Variants in RIT2 observed in about 807,000 individuals in gnomAD.
RIT2 encodes GTP-binding protein Rit2.
A neutral mutation model predicts 23.7 loss-of-function variants in RIT2; 24 were observed. The ratio of observed to expected loss-of-function variants is 1.01; its 90% CI spans 0.73 to 1.43. RIT2 has a LOEUF of 1.43. RIT2 is among the 40% of genes most tolerant of loss of function. RIT2 has a pLI of 0.00. For synonymous variants in RIT2, 107 were observed against 91.1 expected, an observed-to-expected ratio of 1.17 and a Z score of -0.99; for missense variants, 236 against 266.9, an observed-to-expected ratio of 0.88 and a Z score of 0.81.
intron 1 of RIT2, among the ~76,000 whole-genome samples, chr18:43,100,543 T>C (rs765851289): frequency 4.6e-5 from 7 of 152,042 alleles, no homozygotes; most frequent in Non-Finnish European, 8.8e-5. Context: ...TAGGAGACAA[T>C]TGAAACATGG....
chr18:42,794,611 T>C (rs1914114725), intron 4 of RIT2, among the ~76,000 whole-genome samples: 2 of 152,222 alleles, frequency 1.3e-5, no homozygotes, highest in South Asian at 4.1e-4. Flanking sequence ...TTTATATCTC[T>C]GATTTCTACT....
intron 3 of RIT2, among the ~76,000 whole-genome samples, chr18:42,945,719 A>C (rs552928010): frequency 1.3e-5 from 2 of 152,216 alleles, no homozygotes; most frequent in South Asian, 2.1e-4. Flanking sequence ...CATGCATTTT[A>C]TTTCTTTCTC....
chr18:42,807,801 G>A (rs1274864238), intron 4 of RIT2, among the ~76,000 whole-genome samples: 1 of 151,692 alleles, frequency 6.6e-6, no homozygotes, highest in Non-Finnish European at 1.5e-5. Flanking sequence ...ATGTGTGTGT[G>A]TGTGTGTGTG....
chr18:42,812,589 T>C (rs931300628), intron 4 of RIT2, among the ~76,000 whole-genome samples: 2 of 152,154 alleles, frequency 1.3e-5, no homozygotes, highest in Non-Finnish European at 2.9e-5. Flanking sequence ...AACTTTCCTC[T>C]CTCAGAGACA....
intron 4 of RIT2, among the ~76,000 whole-genome samples, chr18:42,796,232 G>T (rs185500197): frequency 9.2e-5 from 14 of 152,256 alleles, no homozygotes; most frequent in Non-Finnish European, 5.9e-5. Flanking sequence ...AGCTCACTGG[G>T]AGGAACCAAC....
intron 1 of RIT2, among the ~76,000 whole-genome samples, chr18:43,096,374 G>A (rs537008270): frequency 7.9e-5 from 12 of 151,836 alleles, no homozygotes; most frequent in African/African-American, 2.9e-4. Flanking sequence ...AGATTTAGAG[G>A]GGTGTAGACT....
intron 1 of RIT2, among the ~76,000 whole-genome samples, chr18:43,037,383 T>C (rs1912005750): frequency 6.6e-6 from 1 of 152,216 alleles, no homozygotes; most frequent in Non-Finnish European, 1.5e-5. Flanking sequence ...TGATCAAAGT[T>C]ATAATCACTG....
chr18:42,990,768 G>C (rs1244472159), intron 2 of RIT2, among the ~76,000 whole-genome samples: 1 of 149,650 alleles, frequency 6.7e-6, no homozygotes, highest in Non-Finnish European at 1.5e-5. Context: ...ACAACACACT[G>C]TGAAGTATAT....
At chr18:42,870,505 C>T (rs1598692308) in intron 4 of RIT2, among the ~76,000 whole-genome samples, 2 of 152,186 alleles carry the variant, frequency 1.3e-5, no homozygotes, top group South Asian at 4.1e-4. Context: ...TGAGCCACCA[C>T]ACCTGGCCTG....
At chr18:43,059,777 CT>C (rs34810427) in intron 1 of RIT2, among the ~76,000 whole-genome samples, 104 of 151,344 alleles carry the variant, frequency 6.9e-4, no homozygotes, top group Non-Finnish European at 1.3e-3. Flanking sequence ...CATTCTTACA[CT>C]TTTTTTTTAT....
intron 4 of RIT2, among the ~76,000 whole-genome samples, chr18:42,760,375 C>G (rs932264650): frequency 6.6e-6 from 1 of 152,152 alleles, no homozygotes; most frequent in Admixed American, 6.5e-5. Context: ...GAAGCAGCAG[C>G]CTGAGACTGC....
chr18:43,070,111 G>A (rs921177750), intron 1 of RIT2, among the ~76,000 whole-genome samples: 33 of 152,212 alleles, frequency 2.2e-4, no homozygotes, highest in African/African-American at 7.0e-4. Flanking sequence ...GAAATGTTGC[G>A]TATTGCTAGG....
chr18:42,822,939 AG>A (rs1313117709), intron 4 of RIT2, among the ~76,000 whole-genome samples: 1 of 152,180 alleles, frequency 6.6e-6, no homozygotes, highest in Admixed American at 6.5e-5. Context: ...TTGGAAGCAG[AG>A]TTTAGGCAGG....
At chr18:43,011,828 T>C (rs1024112617) in intron 2 of RIT2, among the ~76,000 whole-genome samples, 1 of 151,868 alleles carries the variant, frequency 6.6e-6, no homozygotes, top group Non-Finnish European at 1.5e-5. Flanking sequence ...GCAATTATTG[T>C]AAATGCCATT....
At chr18:42,913,976 T>C (rs1908839447) in intron 4 of RIT2, among the ~76,000 whole-genome samples, 1 of 152,028 alleles carries the variant, frequency 6.6e-6, no homozygotes, top group Non-Finnish European at 1.5e-5. Flanking sequence ...TAATTTTACT[T>C]GTCAATTAAA....
chr18:42,773,094 TTG>T (rs1224499627), intron 4 of RIT2, among the ~76,000 whole-genome samples: 16 of 152,348 alleles, frequency 1.1e-4, no homozygotes, highest in Middle Eastern at 6.8e-3. Flanking sequence ...AAAAATAAAA[TTG>T]TTTTTAACCC....
intron 3 of RIT2, among the ~76,000 whole-genome samples, chr18:42,957,478 T>G (rs1028023448): frequency 2.6e-5 from 4 of 152,144 alleles, no homozygotes; most frequent in African/African-American, 9.7e-5. Context: ...TCTCACAGTA[T>G]TTTATCAGTT....
chr18:42,963,091 T>C (rs1357979071), intron 3 of RIT2, among the ~76,000 whole-genome samples: 1 of 152,202 alleles, frequency 6.6e-6, no homozygotes, highest in Non-Finnish European at 1.5e-5. Context: ...GCATCTCTGC[T>C]GCCTAATTGC....
chr18:43,088,552 T>A (rs1016723496), intron 1 of RIT2, among the ~76,000 whole-genome samples: 1 of 152,112 alleles, frequency 6.6e-6, no homozygotes, highest in Non-Finnish European at 1.5e-5. Flanking sequence ...ATATACAAAG[T>A]TGTAGCACAA....
Sources: gnomAD v4.1 joint callset for allele counts (sites outside exome capture counted in the v4.1 genomes callset) on GRCh38, gnomAD v4.1.1 for gene constraint, MANE v1.5 for transcripts, NCBI Gene and HGNC (gene_info 2026-07-23, HGNC 2026-07-21) for gene names.